RBFOX3: variants seen among roughly 807,000 people sequenced by gnomAD.
RBFOX3 encodes RNA binding fox-1 homolog 3, also known as RNA binding protein fox-1 homolog 3.
RBFOX3 carries 17 observed loss-of-function variants against 48.7 expected under a neutral mutation model. The observed-to-expected ratio is 0.35, with a 90% CI of 0.24 to 0.52. The LOEUF (loss-of-function observed/expected upper bound fraction) is 0.52. Ranked by LOEUF, RBFOX3 falls within the 20% of genes least tolerant of loss-of-function variation. The pLI, the probability that RBFOX3 is intolerant of heterozygous loss-of-function variation, is 0.94. For missense variants in RBFOX3, 382 were observed against 497.5 expected (o/e 0.77, Z 2.21); for synonymous variants, 212 against 209.5 (o/e 1.01, Z -0.10).
At chr17:79,595,737 G>A (rs2093553311) in intron 1 of RBFOX3, among the ~76,000 whole-genome samples, 1 of 152,220 alleles carries the variant, frequency 6.6e-6, no homozygotes, top group South Asian at 2.1e-4. Flanking sequence ...CCCTCCTAGA[G>A]GAAGAGCAAG....
At position 79,160,299 on chromosome 17, in the gene RBFOX3, G is replaced by C. The variant is rs74652661; in HGVS notation, c.-33-44551C>G. ...TCTCTGCACCCAAGGGGTGGACCTG[G>C]GGGCCATGCAGGCACTAAGGCAAGG... On this transcript the variant is annotated intron_variant, in intron 4 of 14. Coordinates refer to ENST00000693108, the MANE Select transcript of RBFOX3 (RefSeq NM_001350451.2). 3.8e-3 allele frequency among the ~76,000 whole-genome samples: 584 copies of C among 152,336 alleles called. 3 individuals are homozygous for C. Among genetic ancestry groups the C allele is most frequent in the African/African-American group, 0.014 (562 of 41,560 alleles).
At chr17:79,546,259 C>T (rs2090418638) in intron 1 of RBFOX3, among the ~76,000 whole-genome samples, 1 of 152,190 alleles carries the variant, frequency 6.6e-6, no homozygotes, top group Admixed American at 6.5e-5. Flanking sequence ...CTCCCACCAA[C>T]ACAGAGGATC....
chr17:79,093,980 C>T (rs547992381), intron 14 of RBFOX3, among the ~76,000 whole-genome samples: 78 of 152,154 alleles, frequency 5.1e-4, no homozygotes, highest in African/African-American at 1.7e-3. Flanking sequence ...ACCGGTAACC[C>T]ACACTCCCCT....
At chr17:79,576,473 G>A (rs1346870919) in intron 1 of RBFOX3, among the ~76,000 whole-genome samples, 2 of 152,056 alleles carry the variant, frequency 1.3e-5, no homozygotes, top group Non-Finnish European at 2.9e-5. Context: ...TGGAGAAGAT[G>A]GACAACATGG....
intron 14 of RBFOX3, among the ~76,000 whole-genome samples, chr17:79,091,210 C>T (rs564727853): frequency 1.4e-4 from 22 of 152,158 alleles, no homozygotes; most frequent in Middle Eastern, 3.4e-3. Flanking sequence ...GGTCTGGCCA[C>T]GGGAGGTGGG....
At chr17:79,119,643 G>A (rs1263814994) in intron 4 of RBFOX3, among the ~76,000 whole-genome samples, 1 of 152,178 alleles carries the variant, frequency 6.6e-6, no homozygotes, top group East Asian at 1.9e-4. Flanking sequence ...TCTCTGCACA[G>A]GTTTCTCCAT....
At chr17:79,657,305 C>T in the RBFOX3 span, among the ~76,000 whole-genome samples, 1 of 152,176 alleles carries the variant, frequency 6.6e-6, no homozygotes, top group South Asian at 2.1e-4. Flanking sequence ...CCCACCCCAC[C>T]CCCACACACT....
chr17:79,123,532 C>A (rs2036329417), intron 4 of RBFOX3, among the ~76,000 whole-genome samples: 1 of 152,104 alleles, frequency 6.6e-6, no homozygotes, highest in Admixed American at 6.5e-5. Context: ...GAATCTCCGG[C>A]ATCCAGAGCA....
At chr17:79,658,317 ATC>A in the RBFOX3 span, among the ~76,000 whole-genome samples, 1 of 24,438 alleles carries the variant, frequency 4.1e-5, no homozygotes, top group Non-Finnish European at 8.4e-5. Flanking sequence ...TCTCTCCCCC[ATC>A]TCTCTCTCCC....
intron 13 of RBFOX3, among the ~76,000 whole-genome samples, chr17:79,094,860 C>A (rs1456272674): frequency 6.6e-6 from 1 of 151,994 alleles, no homozygotes; most frequent in Non-Finnish European, 1.5e-5. Context: ...AAACAAACTT[C>A]CACCCCAAAA....
chr17:79,620,177 A>ATG, the RBFOX3 span, among the ~76,000 whole-genome samples: 5 of 132,442 alleles, frequency 3.8e-5, no homozygotes, highest in South Asian at 5.2e-4. Context: ...ACACACATGC[A>ATG]CACACATGTG....
rs1278476895 is a variant in RBFOX3, at chr17:79,571,080, C to T, written c.-320+39746G>A. Among the ~76,000 whole-genome samples the T allele has an allele frequency of 1.2e-3, 176 of 152,278 alleles. 1 individual carries two copies. The highest frequency in any genetic ancestry group is 4.2e-3 in the African/African-American group (173 of 41,554). ...ATTATTGTAATGCCAGTTCCACGTC[C>T]CCGGCCCTGGCCTAGCTGTCATTTA... On this transcript the variant is annotated intron_variant, in intron 1 of 14. Transcript: ENST00000693108.
At chr17:79,284,185 G>A (rs117245129) in intron 3 of RBFOX3, among the ~76,000 whole-genome samples, 3,383 of 151,502 alleles carry the variant, frequency 0.022, 51 homozygotes, top group Non-Finnish European at 0.037. Context: ...CCTTCTACAG[G>A]ACAGTTGATT....
At chr17:79,483,781 GTAAA>G (rs1445302763) in intron 1 of RBFOX3, among the ~76,000 whole-genome samples, 3 of 151,944 alleles carry the variant, frequency 2.0e-5, no homozygotes, top group African/African-American at 7.2e-5. Context: ...GAGTGGATAA[GTAAA>G]TGAATGAATG....
chr17:79,179,990 C>T (rs2051516550), intron 4 of RBFOX3, among the ~76,000 whole-genome samples: 1 of 152,226 alleles, frequency 6.6e-6, no homozygotes, highest in Admixed American at 6.5e-5. Flanking sequence ...CTTCAAAGGG[C>T]ATGAAGTGAG....
At chr17:79,452,251 A>C (rs566204767) in intron 2 of RBFOX3, among the ~76,000 whole-genome samples, 5 of 152,048 alleles carry the variant, frequency 3.3e-5, no homozygotes, top group Admixed American at 2.6e-4. Flanking sequence ...CTTTTTAGAG[A>C]GTAAGACTGG....
intron 1 of RBFOX3, among the ~76,000 whole-genome samples, chr17:79,539,171 G>C (rs1228341090): frequency 2.0e-5 from 3 of 152,022 alleles, no homozygotes; most frequent in Admixed American, 6.6e-5. Flanking sequence ...GGGCAACATA[G>C]CAAAAACCTG....
At chr17:79,167,539 C>A (rs2145586743) in intron 4 of RBFOX3, among the ~76,000 whole-genome samples, 1 of 152,310 alleles carries the variant, frequency 6.6e-6, no homozygotes, top group East Asian at 1.9e-4. Flanking sequence ...CCATCACAGG[C>A]TTGGCGGGGT....
the RBFOX3 span, among the ~76,000 whole-genome samples, chr17:79,632,222 G>A: frequency 3.3e-5 from 5 of 152,140 alleles, no homozygotes; most frequent in Admixed American, 6.5e-5. Context: ...TTGAAAGCAC[G>A]AACAGCCTTG....
Sources: gnomAD v4.1 joint callset for allele counts (sites outside exome capture counted in the v4.1 genomes callset) on GRCh38, gnomAD v4.1.1 for gene constraint, MANE v1.5 for transcripts, NCBI Gene and HGNC (gene_info 2026-07-23, HGNC 2026-07-21) for gene names.